Variants in VGLL4 observed in about 807,000 individuals in gnomAD.
VGLL4 encodes the protein vestigial like family member 4, also known as transcription cofactor vestigial-like protein 4.
Under a neutral mutation model 21.0 loss-of-function variants are expected in VGLL4, and 7 were observed. The observed-to-expected ratio is 0.33, with a 90% confidence interval of 0.19 to 0.63. The LOEUF is 0.63. Ranked by LOEUF, VGLL4 falls within the 20% of genes least tolerant of loss-of-function variation. The pLI is 0.78. For missense variants in VGLL4, 394 were observed against 425.7 expected (o/e 0.93, Z 0.66); for synonymous variants, 222 against 173.2 (o/e 1.28, Z -2.21).
At chr3:11,680,665 G>A (rs1057230266) in intron 2 of VGLL4, among the ~76,000 whole-genome samples, 1 of 152,086 alleles carries the variant, frequency 6.6e-6, no homozygotes, top group Non-Finnish European at 1.5e-5. Context: ...CGAGTAAAAC[G>A]TGCACGACTC....
chr3:11,678,676 G>C (rs11707341), intron 2 of VGLL4, among the ~76,000 whole-genome samples: 80,417 of 152,038 alleles, frequency 0.53, 22,350 homozygotes, highest in Non-Finnish European at 0.63. Flanking sequence ...CTGGGCAACA[G>C]AGTGAGACCC....
At chr3:11,652,079 A>C (rs1449881759) in intron 2 of VGLL4, among the ~76,000 whole-genome samples, 2 of 152,210 alleles carry the variant, frequency 1.3e-5, no homozygotes, top group Non-Finnish European at 2.9e-5. Flanking sequence ...AAAACTTTAA[A>C]TGGGTCTTCA....
chr3:11,571,986 AG>A (rs2073795018), intron 2 of VGLL4, among the ~76,000 whole-genome samples: 2 of 152,320 alleles, frequency 1.3e-5, no homozygotes, highest in East Asian at 3.9e-4. Context: ...ACGTACCTGC[AG>A]CCCCAGCTAC....
intron 2 of VGLL4, among the ~76,000 whole-genome samples, chr3:11,670,833 T>A (rs1485907687): frequency 6.6e-6 from 1 of 151,730 alleles, no homozygotes; most frequent in Non-Finnish European, 1.5e-5. Flanking sequence ...AGGTCAGGAG[T>A]TTGAGACCAG....
chr3:11,599,280 T>A (rs1426686352), intron 2 of VGLL4, among the ~76,000 whole-genome samples: 1 of 151,848 alleles, frequency 6.6e-6, no homozygotes, highest in Admixed American at 6.6e-5. Context: ...TTTTATAATA[T>A]ATATATTTTT....
chr3:11,639,595 C>G (rs557117218), intron 1 of VGLL4, among the ~76,000 whole-genome samples: 1 of 152,184 alleles, frequency 6.6e-6, no homozygotes, highest in Non-Finnish European at 1.5e-5. Context: ...GAAATAAGCC[C>G]GGCGCGGTGG....
chr3:11,644,578 C>G (rs1419688603), upstream of VGLL4, among the ~76,000 whole-genome samples: 5 of 151,952 alleles, frequency 3.3e-5, no homozygotes, highest in South Asian at 2.1e-4. Flanking sequence ...AACGAGGGGG[C>G]CGGGTGTAGT....
At chr3:11,559,828 C>T (rs1227659759) in intron 3 of VGLL4, among the ~76,000 whole-genome samples, 2 of 152,188 alleles carry the variant, frequency 1.3e-5, no homozygotes, top group African/African-American at 4.8e-5. Flanking sequence ...CAGAGCCCTT[C>T]CCATCATGTC....
intron 2 of VGLL4, among the ~76,000 whole-genome samples, chr3:11,597,228 G>A (rs1291965897): frequency 6.6e-6 from 1 of 151,776 alleles, no homozygotes; most frequent in Non-Finnish European, 1.5e-5. Flanking sequence ...GATTGCACTT[G>A]AATATCAAGG....
chr3:11,712,388 T>G (rs2076859234), intron 1 of VGLL4, among the ~76,000 whole-genome samples: 1 of 152,244 alleles, frequency 6.6e-6, no homozygotes, highest in Admixed American at 6.5e-5. Flanking sequence ...ACGATGTAAC[T>G]GAGAATGTCT....
upstream of VGLL4, among the ~76,000 whole-genome samples, chr3:11,646,706 A>G (rs1444267371): frequency 1.3e-5 from 2 of 152,230 alleles, no homozygotes; most frequent in Non-Finnish European, 2.9e-5. Context: ...TAAGGGACTC[A>G]GCATCACTTA....
chr3:11,670,702 C>T (rs1575515483), intron 2 of VGLL4, among the ~76,000 whole-genome samples: 1 of 152,056 alleles, frequency 6.6e-6, no homozygotes, highest in Admixed American at 6.6e-5. Context: ...ATTGAGAGAC[C>T]AGTATCCTGC....
At chr3:11,643,391 TG>T (rs2075733354) in intron 1 of VGLL4, 45 bp downstream of exon 1, 7 of 1,613,146 alleles carry the variant, frequency 4.3e-6, no homozygotes, top group Non-Finnish European at 5.9e-6. Flanking sequence ...TGAGGAGGAG[TG>T]GCCGGGACGA....
intron 3 of VGLL4, among the ~76,000 whole-genome samples, chr3:11,561,171 C>T (rs572434128): frequency 4.6e-5 from 7 of 152,232 alleles, no homozygotes; most frequent in South Asian, 2.1e-4. Flanking sequence ...TGTGCTCAGC[C>T]GGCTTGTTCT....
chr3:11,618,949 T>C (rs2075214435), intron 1 of VGLL4, among the ~76,000 whole-genome samples: 1 of 152,200 alleles, frequency 6.6e-6, no homozygotes, highest in Non-Finnish European at 1.5e-5. Context: ...ATTTTATCAA[T>C]GAGAAGCCAG....
rs1387326932 is a variant in VGLL4 at position 11,568,806 on chromosome 3, G to A, written c.273-3787C>T. ...CAGGACTGTGCCCGAGAGAGCCCAC[G>A]GCATCCCCGCGAACACCCAAAGGAC... On this transcript the variant is annotated intron_variant, in intron 2 of 4. Coordinates refer to ENST00000430365, the MANE Select transcript of VGLL4 (RefSeq NM_001128219.3). The surrounding 1 kb of genome is among the most constrained non-coding windows in gnomAD (Gnocchi z 5.9). 8.4e-6 allele frequency: 12 copies of A among 1,435,022 alleles called. No individual in the cohort carries two copies. The highest frequency in any genetic ancestry group is 1.5e-5 in the South Asian group (1 of 67,980). 88.9% of individuals were successfully genotyped at this position (1,435,022 alleles called of 1,614,324 possible). A position where few individuals can be genotyped will look rare whatever the true frequency, so the allele number is the denominator to read the frequency against.
rs1272381639 is a variant in VGLL4 at position 11,558,619 on chromosome 3, G to A, written c.828C>T (p.Gly276=). The stretch of plus-strand genomic sequence containing the variant: ...TGTGGGCAGAGGGGCTGGCGGGCTG[G>A]CCCCTGCGAGAGGCGGACTCAGGGC... ...SSSPESASRR[G]QPASPSAHMV... is the part of the protein sequence containing the mutation. Residue 276 remains glycine, a synonymous_variant, in exon 5 of 5, where the codon GGC becomes GGT. Transcript: ENST00000430365. 3 of 1,607,878 alleles carry A rather than the reference G, an allele frequency of 1.9e-6. No individual in the cohort carries two copies. The African/African-American group carries it at 4.0e-5, about 21-fold the overall frequency.
At chr3:11,643,925 GA>G (rs2075745929), upstream of VGLL4, 1 of 1,005,988 alleles carries the variant, frequency 9.9e-7, no homozygotes, top group Non-Finnish European at 1.2e-6. Flanking sequence ...TGCTTGGCAT[GA>G]CTCCTATGCC....
In VGLL4 at chr3:11,558,489, A is replaced by C; in HGVS notation, c.*67T>G. ...CCACCCCCATGATTTTTTTTTTTTT[A>C]AGTACTGACTGTTCAAAGCTCAGGC... On this transcript the variant is annotated 3_prime_UTR_variant, in exon 5 of 5. Transcript: ENST00000430365. 2.8e-6 allele frequency: 2 copies of C among 704,480 alleles called. No homozygotes were observed. The highest frequency in any genetic ancestry group is 3.7e-6 in the Non-Finnish European group (2 of 538,984). 43.6% of individuals were successfully genotyped at this position (704,480 alleles called of 1,614,324 possible). A position where few individuals can be genotyped will look rare whatever the true frequency, so the allele number is the denominator to read the frequency against.
Sources: allele counts gnomAD v4.1 joint callset (sites outside exome capture counted in the v4.1 genomes callset), GRCh38; gene constraint gnomAD v4.1.1; non-coding constraint Gnocchi (gnomAD v3.1); transcripts MANE v1.5; gene names NCBI Gene and HGNC (gene_info 2026-07-23, HGNC 2026-07-21).